The following PARD3B variants were observed in gnomAD, a reference collection of about 807,000 sequenced individuals.
PARD3B encodes par-3 family cell polarity regulator beta, also known as partitioning defective 3 homolog B.
A neutral mutation model predicts 130.2 loss-of-function variants in PARD3B; 103 were observed. The observed-to-expected ratio is 0.79, with a 90% CI of 0.67 to 0.93. The LOEUF is 0.93. Among genes scored for constraint, PARD3B ranks in the 40% least tolerant of loss-of-function variants. PARD3B has a pLI of 0.00. For synonymous variants in PARD3B, 583 were observed against 553.2 expected, an observed-to-expected ratio of 1.05 and a Z score of -0.76; for missense variants, 1,609 against 1,499.2, an observed-to-expected ratio of 1.07 and a Z score of -1.21.
intron 16 of PARD3B, among the ~76,000 whole-genome samples, chr2:205,252,843 C>CG (rs1288839758): frequency 7.3e-6 from 1 of 136,612 alleles, no homozygotes; most frequent in Non-Finnish European, 1.6e-5. Context: ...AAGGGACCCC[C>CG]CCCCCCCACC....
intron 1 of PARD3B, among the ~76,000 whole-genome samples, chr2:204,555,567 T>G (rs1383189138): frequency 6.6e-6 from 1 of 152,020 alleles, no homozygotes; most frequent in Non-Finnish European, 1.5e-5. Flanking sequence ...TAAAAAAAAT[T>G]TATATCCATG....
intron 2 of PARD3B, among the ~76,000 whole-genome samples, chr2:204,935,229 G>C (rs1688330926): frequency 6.7e-6 from 1 of 149,360 alleles, no homozygotes. Context: ...CTGAGAATGT[G>C]TTAAGAATGC....
At chr2:204,927,796 C>T (rs1687733913) in intron 2 of PARD3B, among the ~76,000 whole-genome samples, 1 of 151,934 alleles carries the variant, frequency 6.6e-6, no homozygotes, top group Non-Finnish European at 1.5e-5. Context: ...GAAGTATTAG[C>T]AGAGCATTTA....
intron 2 of PARD3B, among the ~76,000 whole-genome samples, chr2:204,742,753 A>G (rs2040061203): frequency 6.6e-6 from 1 of 152,212 alleles, no homozygotes; most frequent in South Asian, 2.1e-4. Flanking sequence ...AGACTTAATT[A>G]TAAAACTTTT....
intron 20 of PARD3B, among the ~76,000 whole-genome samples, chr2:205,488,018 G>A (rs2049513567): frequency 6.6e-6 from 1 of 152,102 alleles, no homozygotes; most frequent in Non-Finnish European, 1.5e-5. Context: ...AGTTTTGTAG[G>A]TTTCCTCTAT....
At chr2:205,540,983 T>C (rs943627930) in intron 21 of PARD3B, among the ~76,000 whole-genome samples, 46 of 152,212 alleles carry the variant, frequency 3.0e-4, no homozygotes, top group Non-Finnish European at 3.8e-4. Context: ...CAATGCTCAA[T>C]TAAATGATTA....
At chr2:204,768,694 T>A (rs1442527293) in intron 2 of PARD3B, among the ~76,000 whole-genome samples, 4 of 43,044 alleles carry the variant, frequency 9.3e-5, no homozygotes, top group African/African-American at 4.5e-4. Flanking sequence ...TGGTTTGTAG[T>A]TCTCCTTGAA....
At chr2:205,350,892 C>T (rs763826432) in intron 18 of PARD3B, among the ~76,000 whole-genome samples, 3 of 152,066 alleles carry the variant, frequency 2.0e-5, no homozygotes, top group Non-Finnish European at 2.9e-5. Flanking sequence ...TGACTTTTCT[C>T]GTTTTTAATT....
intron 15 of PARD3B, among the ~76,000 whole-genome samples, chr2:205,213,108 T>C (rs986481183): frequency 6.6e-6 from 1 of 152,078 alleles, no homozygotes; most frequent in African/African-American, 2.4e-5. Flanking sequence ...GGCTTGTCAG[T>C]TTCCCAGTCT....
intron 2 of PARD3B, among the ~76,000 whole-genome samples, chr2:204,817,964 T>A (rs147152150): frequency 1.5e-3 from 227 of 152,270 alleles, no homozygotes; most frequent in African/African-American, 5.1e-3. Flanking sequence ...TTCTCCTTCC[T>A]CTAGGCCAGA....
chr2:205,378,246 C>T (rs888890659), intron 18 of PARD3B, among the ~76,000 whole-genome samples: 1 of 152,172 alleles, frequency 6.6e-6, no homozygotes, highest in Non-Finnish European at 1.5e-5. Flanking sequence ...AGAGAGGATG[C>T]ATTGAAATTC....
At chr2:205,037,891 G>C (rs1400439251) in intron 3 of PARD3B, among the ~76,000 whole-genome samples, 1 of 151,996 alleles carries the variant, frequency 6.6e-6, no homozygotes, top group Non-Finnish European at 1.5e-5. Flanking sequence ...TGTTACTAAG[G>C]CTCCTCTTGG....
At chr2:204,788,565 A>G (rs902441731) in intron 2 of PARD3B, among the ~76,000 whole-genome samples, 3 of 152,246 alleles carry the variant, frequency 2.0e-5, no homozygotes, top group African/African-American at 7.2e-5. Context: ...TGGATGTCCC[A>G]TCATTTCTGA....
chr2:205,223,852 A>G (rs2038371808), intron 15 of PARD3B, among the ~76,000 whole-genome samples: 1 of 152,170 alleles, frequency 6.6e-6, no homozygotes, highest in Non-Finnish European at 1.5e-5. Flanking sequence ...ATACAGGTGT[A>G]CAATGCATAC....
At chr2:204,685,987 T>G (rs1459177078) in intron 1 of PARD3B, among the ~76,000 whole-genome samples, 194 bp from the exon 2 acceptor site, 1 of 152,212 alleles carries the variant, frequency 6.6e-6, no homozygotes, top group African/African-American at 2.4e-5. Flanking sequence ...ACCTTGATTC[T>G]CCGATTTAAG....
chr2:205,110,456 C>A (rs1703548828), intron 5 of PARD3B, among the ~76,000 whole-genome samples: 1 of 152,094 alleles, frequency 6.6e-6, no homozygotes, highest in South Asian at 2.1e-4. Flanking sequence ...GATCTTAGAG[C>A]ATTTTGCTAT....
In PARD3B at chr2:205,617,886, G is replaced by A. The variant is rs138349688; in HGVS notation, c.*2073G>A. On this transcript the variant is annotated 3_prime_UTR_variant, in exon 23 of 23. Coordinates refer to ENST00000406610, the MANE Select transcript of PARD3B (RefSeq NM_001302769.2). ...TGTTCCATATTTTAACCAAACTACT[G>A]TAGACTACTAAACATAGCCAAGCCA... The A allele has an allele frequency of 5.9e-5, 9 of 152,296 alleles. No individual in the cohort carries two copies. The highest frequency in any genetic ancestry group is 1.9e-4 in the African/African-American group (8 of 41,552). 9.4% of individuals were successfully genotyped at this position (152,296 alleles called of 1,614,324 possible).
At chr2:205,582,928 C>T (rs974204631) in intron 22 of PARD3B, among the ~76,000 whole-genome samples, 2 of 152,066 alleles carry the variant, frequency 1.3e-5, no homozygotes, top group East Asian at 1.9e-4. Flanking sequence ...CAGGACAGCT[C>T]GGTCATTGAA....
At chr2:204,829,441 T>C (rs927999202) in intron 2 of PARD3B, among the ~76,000 whole-genome samples, 3 of 152,194 alleles carry the variant, frequency 2.0e-5, no homozygotes. Flanking sequence ...CCTAATTCAG[T>C]AAGCTCTTAG....
Sources: allele counts gnomAD v4.1 joint callset (sites outside exome capture counted in the v4.1 genomes callset), GRCh38; gene constraint gnomAD v4.1.1; transcripts MANE v1.5; gene names NCBI Gene and HGNC (gene_info 2026-07-23, HGNC 2026-07-21).